The following ASXL1 variants were observed in gnomAD, a reference collection of about 807,000 sequenced individuals.
ASXL1 encodes the protein ASXL transcriptional regulator 1, also known as polycomb group protein ASXL1.
A neutral mutation model predicts 89.1 loss-of-function variants in ASXL1; 65 were observed. The ratio of observed to expected loss-of-function variants is 0.73; its 90% confidence interval spans 0.60 to 0.90. The LOEUF (loss-of-function observed/expected upper bound fraction) is 0.90, where lower values mean the gene tolerates loss of function less well. ASXL1 is among the 40% of genes least tolerant of loss of function. The probability of loss-of-function intolerance (pLI) is 0.00; values close to 1 mark genes in which losing one functional copy is unlikely to be tolerated. For missense variants in ASXL1, 1,786 were observed against 1,942.9 expected (o/e 0.92, Z 1.52); for synonymous variants, 739 against 746.9 (o/e 0.99, Z 0.17).
At chr20:32,393,138 TAGAG>T (rs1380372276) in intron 4 of ASXL1, among the ~76,000 whole-genome samples, 3 of 152,222 alleles carry the variant, frequency 2.0e-5, no homozygotes, top group East Asian at 3.8e-4. Flanking sequence ...CTATCAATTA[TAGAG>T]AGAGGTGTTA....
intron 4 of ASXL1, among the ~76,000 whole-genome samples, chr20:32,387,663 C>T (rs945575857): frequency 1.3e-5 from 2 of 152,214 alleles, no homozygotes; most frequent in African/African-American, 4.8e-5. Context: ...TGGTTCTTTT[C>T]AGCATCTCCC....
At chr20:32,389,574 C>T (rs1157673516) in intron 4 of ASXL1, among the ~76,000 whole-genome samples, 3 of 152,044 alleles carry the variant, frequency 2.0e-5, no homozygotes, top group East Asian at 3.9e-4. Flanking sequence ...AATTTACCAC[C>T]GCCCCCCTGC....
At chr20:32,361,441 C>T (rs2048108796) in intron 1 of ASXL1, among the ~76,000 whole-genome samples, 1 of 150,674 alleles carries the variant, frequency 6.6e-6, no homozygotes, top group African/African-American at 2.4e-5. Context: ...AGTTCTAGAC[C>T]AGCTTGGCCA....
intron 4 of ASXL1, among the ~76,000 whole-genome samples, chr20:32,369,776 T>A (rs1008148839): frequency 7.1e-5 from 10 of 139,948 alleles, no homozygotes; most frequent in African/African-American, 2.6e-4. Flanking sequence ...TTGCCCAGGC[T>A]GGAGTGCAGT....
intron 4 of ASXL1, among the ~76,000 whole-genome samples, chr20:32,401,237 A>G (rs1023999060): frequency 6.6e-6 from 1 of 152,178 alleles, no homozygotes; most frequent in Non-Finnish European, 1.5e-5. Flanking sequence ...TCACGTGTAT[A>G]GATTTCGTGT....
chr20:32,359,737 C>T (rs757830631), intron 1 of ASXL1: 7 of 718,012 alleles, frequency 9.7e-6, no homozygotes, highest in Non-Finnish European at 1.6e-5. Flanking sequence ...GAAGCCGTCT[C>T]GTTCAACCGA....
At chr20:32,392,435 A>C (rs2048689460) in intron 4 of ASXL1, among the ~76,000 whole-genome samples, 2 of 151,388 alleles carry the variant, frequency 1.3e-5, no homozygotes, top group African/African-American at 4.8e-5. Flanking sequence ...GGTGCCTGCC[A>C]CCATGCCCAG....
Position 32,397,209 on chromosome 20 carries a change from C to CT in ASXL1, c.252+28103dup, listed in dbSNP as rs1254055441. On this transcript the variant is annotated intron_variant, in intron 4 of 12. Coordinates refer to ENST00000375687, the MANE Select transcript of ASXL1 (RefSeq NM_015338.6). ...AAAGGGGTAAGCCCCCATGCCTGGC[C>CT]TTTTTTTTTTTTTTTTTGTGGGGTG... 3.1e-3 allele frequency among the ~76,000 whole-genome samples: 195 copies of CT among 63,186 alleles called. 2 individuals carry two copies. Among genetic ancestry groups the CT allele is most frequent in the East Asian group, 0.015 (5 of 328 alleles). 41.5% of individuals were successfully genotyped at this position (63,186 alleles called of 152,430 possible).
chr20:32,401,801 C>T (rs1975706088), intron 4 of ASXL1, among the ~76,000 whole-genome samples: 2 of 152,110 alleles, frequency 1.3e-5, no homozygotes, highest in South Asian at 2.1e-4. Context: ...AGTGATCCAC[C>T]CACCTTAGCC....
At chr20:32,397,074 A>G (rs924628359) in intron 4 of ASXL1, among the ~76,000 whole-genome samples, 3 of 144,920 alleles carry the variant, frequency 2.1e-5, no homozygotes, top group Admixed American at 6.9e-5. Flanking sequence ...AGATGAAGTC[A>G]TGCTCTGTTG....
At position 32,434,912 on chromosome 20, in the gene ASXL1, AG is replaced by A. The variant is rs1476818548; in HGVS notation, c.2203del (p.Ala735LeufsTer9). On this transcript the variant is annotated frameshift_variant, in exon 13 of 13. Transcript: ENST00000375687. LOFTEE classifies it low-confidence loss of function (END_TRUNC). ...AAAGGAGGAAAGCTGCCTACTACAG[AG>A]GGCTACAGTTGGACTCACAGATGGG... ...LRKEESCLLQRATVGLTDGLG... is the reference protein window; with the variant it reads ...LRKEESCLLQXATVGLTDGLG... 6.2e-7 allele frequency: 1 copy of A among 1,614,050 alleles called. No homozygotes were observed. Among genetic ancestry groups the A allele is most frequent in the Non-Finnish European group, 8.5e-7 (1 of 1,180,022 alleles).
intron 4 of ASXL1, among the ~76,000 whole-genome samples, chr20:32,372,951 T>G (rs2048323597): frequency 6.6e-6 from 1 of 150,890 alleles, no homozygotes; most frequent in South Asian, 2.1e-4. Flanking sequence ...TTTTCTTTTT[T>G]TTTTTTTGGT....
At chr20:32,384,536 TA>T (rs1186732343) in intron 4 of ASXL1, among the ~76,000 whole-genome samples, 1 of 152,174 alleles carries the variant, frequency 6.6e-6, no homozygotes, top group Non-Finnish European at 1.5e-5. Context: ...CCTCATTTGG[TA>T]AAAGGTTCCT....
chr20:32,435,993 T>C lies in ASXL1; in HGVS notation c.3281T>C (p.Leu1094Pro). ...STEYQPRAVC[L>P]SMPGSSVEAT... ...GAGTACCAGCCAAGAGCCGTGTGCC[T>C]GTCCATGCCTGGGTCCTCAGTGGAG... is the stretch of plus-strand genomic sequence containing the variant. Residue 1094 changes from leucine (L) to proline (P), a missense_variant, in exon 13 of 13, where the codon CTG (leucine) becomes CCG (proline). This residue lies in a region of ASXL1 where 1,418 missense variants were observed against 1,427.8 expected (regional missense o/e 0.99). Transcript: ENST00000375687. The C allele has an allele frequency of 6.2e-7, 1 of 1,614,182 alleles. No individual in the cohort carries two copies. The highest frequency in any genetic ancestry group is 8.5e-7 in the Non-Finnish European group (1 of 1,180,028).
intron 4 of ASXL1, chr20:32,372,621 G>GCAAGAC: frequency 1.1e-5 from 2 of 187,782 alleles, no homozygotes; most frequent in Non-Finnish European, 2.1e-5. Flanking sequence ...CTGAGACAGA[G>GCAAGAC]TCTTGCTCTG....
chr20:32,417,390 T>C (rs2049156420), intron 4 of ASXL1, among the ~76,000 whole-genome samples: 1 of 152,186 alleles, frequency 6.6e-6, no homozygotes, highest in African/African-American at 2.4e-5. Context: ...ACTCAGACAA[T>C]TTCTTTACGT....
intron 4 of ASXL1, among the ~76,000 whole-genome samples, chr20:32,395,926 G>C (rs1343227182): frequency 1.3e-5 from 2 of 152,028 alleles, no homozygotes; most frequent in Non-Finnish European, 2.9e-5. Flanking sequence ...AGCCTCCCAA[G>C]TAGCTGTGAT....
intron 12 of ASXL1, 152 bp from the exon 13 acceptor site, chr20:32,434,280 G>A (rs373362997): frequency 4.1e-5 from 41 of 1,005,536 alleles, no homozygotes; most frequent in East Asian, 1.8e-4. Flanking sequence ...GTGTTATGGC[G>A]CCATTTTACT....
At chr20:32,387,893 G>A (rs2048606805) in intron 4 of ASXL1, among the ~76,000 whole-genome samples, 1 of 152,168 alleles carries the variant, frequency 6.6e-6, no homozygotes, top group African/African-American at 2.4e-5. Flanking sequence ...TTCCACCCTT[G>A]TGTTGGCTGT....
Sources: gnomAD v4.1 joint callset for allele counts (sites outside exome capture counted in the v4.1 genomes callset) on GRCh38, gnomAD v4.1.1 for gene constraint, gnomAD v4.1.1 regional missense constraint, MANE v1.5 for transcripts, NCBI Gene and HGNC (gene_info 2026-07-23, HGNC 2026-07-21) for gene names.